DOCK10: variants seen among roughly 807,000 people sequenced by gnomAD.
DOCK10 encodes the protein dedicator of cytokinesis 10.
In DOCK10, 145 loss-of-function variants were observed where a neutral mutation model predicts 280.1. That is an observed-to-expected ratio of 0.52 (90% CI 0.45 to 0.59). The LOEUF is 0.59. Among genes scored for constraint, DOCK10 ranks in the 20% least tolerant of loss-of-function variants. The pLI, the probability that DOCK10 is intolerant of heterozygous loss-of-function variation, is 0.00. For missense variants in DOCK10, 2,368 were observed against 2,651.7 expected (o/e 0.89, Z 2.35); for synonymous variants, 915 against 942.2 (o/e 0.97, Z 0.53).
At chr2:224,976,731 C>G (rs918649149) in intron 1 of DOCK10, among the ~76,000 whole-genome samples, 17 of 151,218 alleles carry the variant, frequency 1.1e-4, no homozygotes, top group Non-Finnish European at 1.5e-4. Flanking sequence ...ACGTCATTCA[C>G]CAGACAGGGG....
chr2:224,802,190 CATG>C, intron 39 of DOCK10, 150 bp from the exon 40 acceptor site: 1 of 838,022 alleles, frequency 1.2e-6, no homozygotes, highest in East Asian at 2.8e-5. Context: ...TTATAGGTGA[CATG>C]ATGAGAGAGA....
At chr2:224,873,461 TA>T (rs1698419405) in intron 11 of DOCK10, among the ~76,000 whole-genome samples, 1 of 151,912 alleles carries the variant, frequency 6.6e-6, no homozygotes, top group South Asian at 2.1e-4. Flanking sequence ...TGCGTGCCTG[TA>T]GTCCATTACT....
At chr2:224,838,984 A>T (rs1227921948) in intron 24 of DOCK10, among the ~76,000 whole-genome samples, 2 of 152,214 alleles carry the variant, frequency 1.3e-5, no homozygotes, top group African/African-American at 4.8e-5. Flanking sequence ...AATATCAAAC[A>T]TGCAACCACC....
chr2:224,940,825 T>C (rs1236508691), intron 1 of DOCK10, among the ~76,000 whole-genome samples: 1 of 152,218 alleles, frequency 6.6e-6, no homozygotes, highest in Admixed American at 6.5e-5. Context: ...GGCAAACCCC[T>C]GCAATATACA....
At chr2:224,794,832 T>C (rs781106537) in intron 45 of DOCK10, 47 bp downstream of exon 45, 1 of 1,587,074 alleles carries the variant, frequency 6.3e-7, no homozygotes, top group Non-Finnish European at 8.6e-7. Context: ...ATTTTCCTGA[T>C]AAAGAGGACA....
intron 4 of DOCK10, among the ~76,000 whole-genome samples, chr2:224,886,952 G>T (rs1156475435): frequency 1.3e-5 from 2 of 151,524 alleles, no homozygotes; most frequent in Non-Finnish European, 2.9e-5. Context: ...TTGTGGGGAT[G>T]GGGTTTTGTG....
intron 1 of DOCK10, among the ~76,000 whole-genome samples, chr2:225,029,987 T>C (rs1690032140): frequency 6.7e-6 from 1 of 149,814 alleles, no homozygotes; most frequent in South Asian, 2.1e-4. Context: ...ATATTAAAAA[T>C]ACAAAAAAAT....
intron 11 of DOCK10, among the ~76,000 whole-genome samples, chr2:224,872,508 T>C (rs1253937432): frequency 6.6e-6 from 1 of 152,002 alleles, no homozygotes; most frequent in Non-Finnish European, 1.5e-5. Flanking sequence ...GTCCACAGCA[T>C]GGACCTTATC....
chr2:224,845,915 G>T (rs1696319386), intron 19 of DOCK10, among the ~76,000 whole-genome samples: 1 of 152,064 alleles, frequency 6.6e-6, no homozygotes, highest in African/African-American at 2.4e-5. Flanking sequence ...GTAGAGACGG[G>T]GTTTCACCAT....
At chr2:224,819,867 T>C (rs533262767) in intron 28 of DOCK10, among the ~76,000 whole-genome samples, 1 of 152,254 alleles carries the variant, frequency 6.6e-6, no homozygotes, top group African/African-American at 2.4e-5. Context: ...AAGTTATAAA[T>C]CTATATTGAT....
chr2:224,789,209 GA>G (rs764593656), intron 47 of DOCK10, 39 bp from the exon 48 acceptor site: 3 of 1,414,804 alleles, frequency 2.1e-6, no homozygotes, highest in Admixed American at 3.7e-5. Flanking sequence ...TATTATTTGA[GA>G]CAAATTTTGC....
chr2:224,892,489 T>A lies in DOCK10; in HGVS notation c.416+3806A>T, dbSNP rs185586920. On this transcript the variant is annotated intron_variant, in intron 4 of 55. Coordinates refer to ENST00000258390, the MANE Select transcript of DOCK10 (RefSeq NM_014689.3). ...GAAAGAGGAGAAGAGCGATGAGTGATCCTTGTGGAAATGGCAAAGGCCACG... is the reference window on the plus strand; with the variant it reads ...GAAAGAGGAGAAGAGCGATGAGTGAACCTTGTGGAAATGGCAAAGGCCACG... Among the ~76,000 whole-genome samples the A allele has an allele frequency of 2.1e-3, 318 of 148,550 alleles. 1 individual carries two copies. The highest frequency in any genetic ancestry group is 4.5e-3 in the Admixed American group (68 of 14,978).
At chr2:224,854,915 A>G in intron 16 of DOCK10, 48 bp downstream of exon 16, 1 of 1,444,484 alleles carries the variant, frequency 6.9e-7, no homozygotes, top group African/African-American at 1.4e-5. Context: ...CCCACTAAAT[A>G]TTCAATATTC....
At chr2:224,861,233 T>C (rs1275300417) in intron 14 of DOCK10, 29 of 152,286 alleles carry the variant, frequency 1.9e-4, no homozygotes, top group Admixed American at 1.7e-3. Flanking sequence ...TAGAAAGAGA[T>C]AGAAAAGGGA....
intron 1 of DOCK10, among the ~76,000 whole-genome samples, chr2:224,955,650 G>A (rs1703993797): frequency 6.6e-6 from 1 of 152,222 alleles, no homozygotes; most frequent in Admixed American, 6.5e-5. Context: ...GTGGAAATTG[G>A]AGAATAATGG....
chr2:224,798,187 G>A (rs960845931), intron 41 of DOCK10, among the ~76,000 whole-genome samples: 1 of 152,174 alleles, frequency 6.6e-6, no homozygotes, highest in Non-Finnish European at 1.5e-5. Context: ...TGATGTGATT[G>A]AAAGTAGTTG....
Position 224,823,497 on chromosome 2 carries a change from G to A in DOCK10, c.3183+4C>T, listed in dbSNP as rs1471412439. 1 of 1,592,944 alleles carries A rather than the reference G, an allele frequency of 6.3e-7. No homozygotes were observed. The highest frequency in any genetic ancestry group is 2.3e-5 in the East Asian group (1 of 43,484). ...AATAGAACTGCGATCTCATATAACT[G>A]TACCTTGAGAAATCTGGCAACGCTG... On this transcript the variant is annotated splice_donor_region_variant and intron_variant, in intron 28 of 55. Transcript: ENST00000258390.
chr2:224,839,292 A>C (rs1695801726), intron 24 of DOCK10, among the ~76,000 whole-genome samples: 2 of 141,988 alleles, frequency 1.4e-5, no homozygotes, highest in African/African-American at 5.4e-5. Context: ...TTGGGGTTTC[A>C]CCAACTCTAC....
chr2:225,029,942 G>A (rs941989603), intron 1 of DOCK10, among the ~76,000 whole-genome samples: 1 of 151,864 alleles, frequency 6.6e-6, no homozygotes, highest in Non-Finnish European at 1.5e-5. Context: ...TCGGGAGTTT[G>A]AGACCAGCCT....
Sources: gnomAD v4.1 joint callset for allele counts (sites outside exome capture counted in the v4.1 genomes callset) on GRCh38, gnomAD v4.1.1 for gene constraint, MANE v1.5 for transcripts, NCBI Gene and HGNC (gene_info 2026-07-23, HGNC 2026-07-21) for gene names.